Variants in PGM5 observed in about 807,000 individuals in gnomAD.
PGM5 encodes phosphoglucomutase-like protein 5.
Under a neutral mutation model 59.2 loss-of-function variants are expected in PGM5, and 23 were observed. The ratio of observed to expected loss-of-function variants is 0.39; its 90% CI spans 0.28 to 0.55. The LOEUF (loss-of-function observed/expected upper bound fraction) is 0.55, where lower values mean the gene tolerates loss of function less well. Among genes scored for constraint, PGM5 ranks in the 20% least tolerant of loss-of-function variants. The pLI is 0.66. For synonymous variants in PGM5, 214 were observed against 286.0 expected, an observed-to-expected ratio of 0.75 and a Z score of 2.54; for missense variants, 574 against 748.3, an observed-to-expected ratio of 0.77 and a Z score of 2.72.
At chr9:68,480,364 C>A (rs983025736) in intron 8 of PGM5, among the ~76,000 whole-genome samples, 3 of 152,178 alleles carry the variant, frequency 2.0e-5, no homozygotes, top group African/African-American at 4.8e-5. Flanking sequence ...CTTGAAGGAA[C>A]CTCATGGTTC....
At chr9:68,466,289 C>A in intron 7 of PGM5, 1 of 635,010 alleles carries the variant, frequency 1.6e-6, no homozygotes, top group Non-Finnish European at 2.2e-6. Context: ...TTTTTTTTAG[C>A]ATTTCTCTTT....
At chr9:68,457,471 A>C (rs925085427) in intron 6 of PGM5, among the ~76,000 whole-genome samples, 2 of 152,232 alleles carry the variant, frequency 1.3e-5, no homozygotes, top group Non-Finnish European at 2.9e-5. Flanking sequence ...AGCATTATAC[A>C]AATACTAGTC....
intron 7 of PGM5, among the ~76,000 whole-genome samples, chr9:68,478,283 T>C (rs928937853): frequency 1.3e-5 from 2 of 152,210 alleles, no homozygotes; most frequent in Non-Finnish European, 2.9e-5. Context: ...TGCCTCCAAC[T>C]CTTTCTATAT....
At chr9:68,388,443 T>C (rs1260976647) in intron 4 of PGM5, among the ~76,000 whole-genome samples, 12 of 150,740 alleles carry the variant, frequency 8.0e-5, no homozygotes, top group African/African-American at 2.4e-4. Context: ...GGTTGCTCTC[T>C]GAGCATGCTG....
At chr9:68,484,965 T>C (rs1824271247) in intron 9 of PGM5, among the ~76,000 whole-genome samples, 1 of 152,158 alleles carries the variant, frequency 6.6e-6, no homozygotes, top group Non-Finnish European at 1.5e-5. Context: ...TCAAGAGATA[T>C]AAAATAATGT....
intron 9 of PGM5, chr9:68,499,013 A>G (rs11793501): frequency 1.8e-6 from 1 of 547,042 alleles, no homozygotes; most frequent in East Asian, 3.2e-5. Context: ...CACATTAACC[A>G]CAAAGCAACG....
At chr9:68,401,887 ATATGTGTGTGTG>A (rs1275572844) in intron 6 of PGM5, among the ~76,000 whole-genome samples, 1 of 6,612 alleles carries the variant, frequency 1.5e-4, no homozygotes, top group Non-Finnish European at 4.2e-4. Context: ...CTATATATAT[ATATGTGTGTGTG>A]TGTGTGTGTG....
Position 68,499,333 on chromosome 9 carries a change from A to G in PGM5, c.1586A>G (p.Asp529Gly), listed in dbSNP as rs1238426108. ...CTGTACGCAGAGAGCTACGAGAGGG[A>G]TCCCAGCGGCCATGACCAGGAGCCA... ...LRLYAESYER[D>G]PSGHDQEPQA... is the part of the protein sequence containing the mutation. Residue 529 changes from aspartate (D) to glycine (G), a missense_variant, in exon 10 of 11, where the codon GAT (aspartate) becomes GGT (glycine). Physicochemically the swap from Asp to Gly is moderately conservative, Grantham distance 94. Coordinates refer to ENST00000396396, the MANE Select transcript of PGM5 (RefSeq NM_021965.4). 1.9e-6 allele frequency: 3 copies of G among 1,613,912 alleles called. No individual in the cohort carries two copies. In the African/African-American group the frequency reaches 4.0e-5, roughly 22 times the overall value.
At chr9:68,466,022 A>G (rs1587819160) in intron 7 of PGM5, 1 of 576,124 alleles carries the variant, frequency 1.7e-6, no homozygotes, top group East Asian at 7.1e-5. Flanking sequence ...ATTTTTTCAA[A>G]TATTTCTCCT....
intron 7 of PGM5, among the ~76,000 whole-genome samples, chr9:68,466,851 C>A (rs1823942731): frequency 6.6e-6 from 1 of 152,188 alleles, no homozygotes; most frequent in African/African-American, 2.4e-5. Context: ...TCTCCAGGGT[C>A]TTAAACTTTC....
chr9:68,365,031 C>G (rs1371677541), intron 1 of PGM5, among the ~76,000 whole-genome samples: 1 of 152,190 alleles, frequency 6.6e-6, no homozygotes, highest in Admixed American at 6.5e-5. Context: ...TCTCTTTGAG[C>G]CTTTTGTGAA....
At chr9:68,528,440 T>C (rs924262693) in intron 10 of PGM5, among the ~76,000 whole-genome samples, 1 of 152,160 alleles carries the variant, frequency 6.6e-6, no homozygotes, top group African/African-American at 2.4e-5. Context: ...ATGCGGTCTA[T>C]GTTGTTCAGG....
At position 68,459,515 on chromosome 9, in the gene PGM5, T is replaced by C. The variant is rs180952994; in HGVS notation, c.1044-5578T>C. ...ATGTTATGAGTATGACATTCATTCT[T>C]GTTGTTTCATCTAATGGCAGGCAGT... On this transcript the variant is annotated intron_variant, in intron 6 of 10. Coordinates refer to ENST00000396396, the MANE Select transcript of PGM5 (RefSeq NM_021965.4). 2.0e-5 allele frequency among the ~76,000 whole-genome samples: 3 copies of C among 152,334 alleles called. No homozygotes were observed. In the East Asian group the frequency reaches 5.8e-4, roughly 29 times the overall value.
chr9:68,491,811 G>C (rs538902345), intron 9 of PGM5, among the ~76,000 whole-genome samples: 1 of 152,270 alleles, frequency 6.6e-6, no homozygotes, highest in South Asian at 2.1e-4. Context: ...AGATCACCCT[G>C]GGCAACACAG....
chr9:68,499,204 A>G (rs979214171), intron 9 of PGM5, 23 bp from the exon 10 acceptor site: 13 of 1,613,622 alleles, frequency 8.1e-6, no homozygotes, highest in Admixed American at 5.0e-5. Flanking sequence ...TCACTGCTCC[A>G]TTCTGGATGT....
intron 2 of PGM5, among the ~76,000 whole-genome samples, chr9:68,383,916 A>G (rs1336906122): frequency 6.6e-6 from 1 of 151,858 alleles, no homozygotes; most frequent in Non-Finnish European, 1.5e-5. Flanking sequence ...TGGGGAAAAT[A>G]ATTAACTTAC....
At chr9:68,489,141 C>T (rs1824345864) in intron 9 of PGM5, among the ~76,000 whole-genome samples, 1 of 152,162 alleles carries the variant, frequency 6.6e-6, no homozygotes, top group African/African-American at 2.4e-5. Context: ...ATCTTTTCTC[C>T]ATCTCTAACA....
chr9:68,419,329 G>GCC (rs1823089285), intron 6 of PGM5, among the ~76,000 whole-genome samples: 1 of 152,102 alleles, frequency 6.6e-6, no homozygotes, highest in Non-Finnish European at 1.5e-5. Flanking sequence ...TCCATCACTG[G>GCC]CCATTTTATG....
At chr9:68,440,002 G>A (rs1367375809) in intron 6 of PGM5, among the ~76,000 whole-genome samples, 2 of 151,980 alleles carry the variant, frequency 1.3e-5, no homozygotes, top group Admixed American at 1.3e-4. Context: ...AATCATGTTG[G>A]GTCAGTTTAC....
Sources: allele counts gnomAD v4.1 joint callset (sites outside exome capture counted in the v4.1 genomes callset), GRCh38; gene constraint gnomAD v4.1.1; transcripts MANE v1.5; gene names NCBI Gene and HGNC (gene_info 2026-07-23, HGNC 2026-07-21).